Variants in FCHSD1 observed in about 807,000 individuals in gnomAD.
FCHSD1 encodes the protein FCH and double SH3 domains 1, also known as F-BAR and double SH3 domains protein 1.
FCHSD1 carries 109 observed loss-of-function variants against 101.3 expected under a neutral mutation model. That is an observed-to-expected ratio of 1.08 (90% CI 0.92 to 1.26). The LOEUF (loss-of-function observed/expected upper bound fraction) is 1.26, where lower values mean the gene tolerates loss of function less well. Among genes scored for constraint, FCHSD1 ranks in the 50% most tolerant of loss-of-function variants. The pLI, the probability that FCHSD1 is intolerant of heterozygous loss-of-function variation, is 0.00. For missense variants in FCHSD1, 820 were observed against 895.8 expected (o/e 0.92, Z 1.08); for synonymous variants, 291 against 356.8 (o/e 0.82, Z 2.08).
intron 3 of FCHSD1, 109 bp downstream of exon 3, chr5:141,650,250 G>A (rs755970520): frequency 1.4e-6 from 2 of 1,409,478 alleles, no homozygotes; most frequent in Non-Finnish European, 1.0e-6. Flanking sequence ...CAGTCTGCTT[G>A]ACTCTAGGCA....
Position 141,649,106 on chromosome 5 carries a change from C to T in FCHSD1, c.512+66G>A. ...CAGGCCCAGCTTTGGTGACTTGGCT[C>T]CACCCCTAGACAGCCCCACCTCCCT... On this transcript the variant is annotated intron_variant, in intron 6 of 19. Transcript: ENST00000435817. This position sits in a 1 kb window ranked among gnomAD's most constrained non-coding sequence, Gnocchi z 4.1. 6.2e-7 allele frequency: 1 copy of T among 1,613,796 alleles called. No homozygotes were observed. Among genetic ancestry groups the T allele is most frequent in the Non-Finnish European group, 8.5e-7 (1 of 1,179,732 alleles).
rs116046686 is a variant in FCHSD1, at chr5:141,640,990, T to C, written c.*508A>G. 6.7e-3 allele frequency: 2,902 copies of C among 432,924 alleles called. 67 individuals carry two copies. Among genetic ancestry groups the C allele is most frequent in the African/African-American group, 0.053 (2,633 of 50,018 alleles). 26.8% of individuals were successfully genotyped at this position (432,924 alleles called of 1,614,324 possible). On this transcript the variant is annotated 3_prime_UTR_variant, in exon 20 of 20. Transcript: ENST00000435817. ...TAGCACCGTAGGCCCCCTGCCCTCT[T>C]AGCACAAGAGGCCCAGGCCCTGGCC...
chr5:141,643,133 G>A, intron 17 of FCHSD1, 45 bp from the exon 18 acceptor site: 1 of 1,371,342 alleles, frequency 7.3e-7, no homozygotes, highest in Non-Finnish European at 9.5e-7. Flanking sequence ...ATGTGGGGAG[G>A]TTTTACCAGC....
Position 141,643,018 on chromosome 5 carries a change from G to A in FCHSD1, c.1934C>T (p.Ala645Val), listed in dbSNP as rs375122300. Residue 645 changes from alanine (A) to valine (V), a missense_variant, in exon 18 of 20, where the codon GCA becomes GTA. Physicochemically the swap from Ala to Val is moderately conservative, Grantham distance 64. Coordinates refer to ENST00000435817, the MANE Select transcript of FCHSD1 (RefSeq NM_033449.3). ...CCACTCACCCCCAGGCAGGACAGGT[G>A]CAGGGGGCCCATCCAACACAGAGGT... The part of the protein sequence containing the change: ...APTSVLDGPP[A>V]PVLPGDKALD... The A allele has an allele frequency of 2.5e-5, 39 of 1,564,986 alleles. No individual in the cohort carries two copies. Among genetic ancestry groups the A allele is most frequent in the Non-Finnish European group, 3.1e-5 (36 of 1,155,934 alleles).
intron 19 of FCHSD1, 27 bp from the exon 20 acceptor site, chr5:141,641,590 C>T: frequency 6.3e-7 from 1 of 1,586,150 alleles, no homozygotes; most frequent in Non-Finnish European, 8.6e-7. Flanking sequence ...GTTAGTGCTC[C>T]AGAGTTCTCC....
rs751036347 is a variant in FCHSD1, at chr5:141,651,400, C to T, written c.-32G>A. On this transcript the variant is annotated 5_prime_UTR_variant, in exon 1 of 20. Transcript: ENST00000435817. ...TCCAGCAAGGCGGTCAGCCACTGGA[C>T]TCCGGAACTGGAGGAAGCCCCGCCC... The T allele has an allele frequency of 1.9e-6, 3 of 1,551,236 alleles. No individual in the cohort carries two copies. The highest frequency in any genetic ancestry group is 2.6e-6 in the Non-Finnish European group (3 of 1,147,090).
chr5:141,643,163 C>G, intron 17 of FCHSD1, 75 bp from the exon 18 acceptor site: 3 of 1,181,462 alleles, frequency 2.5e-6, no homozygotes, highest in Non-Finnish European at 3.4e-6. Context: ...CATCCCATCT[C>G]CAGTTCCTTC....
intron 11 of FCHSD1, 36 bp downstream of exon 11, chr5:141,646,564 CAAG>C: frequency 6.3e-7 from 1 of 1,587,338 alleles, no homozygotes; most frequent in Non-Finnish European, 8.6e-7. Flanking sequence ...CTTGCTGAGA[CAAG>C]AAGGTGCACA....
At position 141,649,625 on chromosome 5, in the gene FCHSD1, G is replaced by T; in HGVS notation, c.234-89C>A. ...CCCCTGCCCCCTGACCAACACCATG[G>T]GAGACAGAGTGCTTTCCCATCCTCC... On this transcript the variant is annotated intron_variant, in intron 4 of 19. Transcript: ENST00000435817. This position sits in a 1 kb window ranked among gnomAD's most constrained non-coding sequence, Gnocchi z 4.1. 6.7e-7 allele frequency: 1 copy of T among 1,489,572 alleles called. No homozygotes were observed. The highest frequency in any genetic ancestry group is 9.0e-7 in the Non-Finnish European group (1 of 1,117,122). The allele number at this position is 1,489,572 out of a possible 1,614,324, so 92.3% of individuals were successfully genotyped here. A position where few individuals can be genotyped will look rare whatever the true frequency, so the allele number is the denominator to read the frequency against.
rs2099908226 is a variant in FCHSD1, at chr5:141,650,410, G to A, written c.120-6C>T. The A allele has an allele frequency of 1.9e-6, 3 of 1,613,950 alleles. No individual in the cohort carries two copies. Among genetic ancestry groups the A allele is most frequent in the East Asian group, 4.5e-5 (2 of 44,870 alleles). ...CCCTCTGCTTGCTGTAGGATCTGCG[G>A]AGATTGCAGGTCGGGGGTGAGGTGG... is the stretch of plus-strand genomic sequence containing the variant. On this transcript the variant is annotated splice_region_variant and splice_polypyrimidine_tract_variant and intron_variant, in intron 2 of 19. Transcript: ENST00000435817.
At position 141,639,398 on chromosome 5, in the gene FCHSD1, C is replaced by T. The variant is rs1002461059; in HGVS notation, c.*2100G>A. On this transcript the variant is annotated 3_prime_UTR_variant, in exon 20 of 20. Coordinates refer to ENST00000435817, the MANE Select transcript of FCHSD1 (RefSeq NM_033449.3). The surrounding 1 kb of genome is among the most constrained non-coding windows in gnomAD (Gnocchi z 4.4). Reference sequence around the variant, plus strand: ...GGTTTTAAGGAGCATGCTGAAAGAACGTAAGAAACAAAACATGAAGGGAAA... The same window carrying T: ...GGTTTTAAGGAGCATGCTGAAAGAATGTAAGAAACAAAACATGAAGGGAAA... 1.2e-5 allele frequency: 17 copies of T among 1,372,362 alleles called. No individual in the cohort carries two copies. In the African/African-American group the frequency reaches 1.5e-4, roughly 12 times the overall value. The allele number at this position is 1,372,362 out of a possible 1,614,324, so 85.0% of individuals were successfully genotyped here.
At position 141,646,181 on chromosome 5, in the gene FCHSD1, C is replaced by T. The variant is rs775394855; in HGVS notation, c.1055G>A (p.Arg352Gln). Residue 352 changes from arginine to glutamine, a missense_variant, in exon 12 of 20, where the codon CGA (arginine) becomes CAA (glutamine). Arg to Gln is a conservative substitution (Grantham distance 43, BLOSUM62 1). Transcript: ENST00000435817. ...IQNHGHRVLQ[R>Q]LEQRRQQASE... ...AGCCTGCTGCCGCCTCTGCTCCAGT[C>T]GTTGCAGTACCTGGTTGGGAAGGCA... The T allele has an allele frequency of 8.1e-6, 13 of 1,604,532 alleles. No individual in the cohort carries two copies. The highest frequency in any genetic ancestry group is 1.0e-5 in the Non-Finnish European group (12 of 1,175,820).
Position 141,649,882 on chromosome 5 carries a change from C to T in FCHSD1, c.233+5G>A. The T allele has an allele frequency of 6.5e-7, 1 of 1,548,280 alleles. No homozygotes were observed. The highest frequency in any genetic ancestry group is 8.7e-7 in the Non-Finnish European group (1 of 1,146,580). ...TCTGTGGCCCTCCCCCTCCATAGGG[C>T]CCACCTGCTGTCCATCTCACCGCTC... On this transcript the variant is annotated splice_donor_5th_base_variant and intron_variant, in intron 4 of 19. Transcript: ENST00000435817. This position sits in a 1 kb window ranked among gnomAD's most constrained non-coding sequence, Gnocchi z 4.1.
In FCHSD1 at chr5:141,647,979, C is replaced by T; in HGVS notation, c.694G>A (p.Ala232Thr). ...GGGTTAAAACTGGCCTTGAGCAGAG[C>T]TGGCAGTTCCTCCTGGTAGTAATGG... ...LDHYYQEELPALLKALVSELS... is the reference protein window; with the variant it reads ...LDHYYQEELPTLLKALVSELS... Residue 232 changes from alanine (A) to threonine (T), a missense_variant, in exon 8 of 20, where the codon GCT becomes ACT. By Grantham distance (58) the Ala-to-Thr change is moderately conservative. Coordinates refer to ENST00000435817, the MANE Select transcript of FCHSD1 (RefSeq NM_033449.3). The T allele has an allele frequency of 6.2e-7, 1 of 1,613,108 alleles. No individual in the cohort carries two copies. The highest frequency in any genetic ancestry group is 8.5e-7 in the Non-Finnish European group (1 of 1,179,546).
chr5:141,640,977 C>A lies in FCHSD1; in HGVS notation c.*521G>T. ...GCCCCTAAAGCAATAGCACCGTAGG[C>A]CCCCTGCCCTCTTAGCACAAGAGGC... On this transcript the variant is annotated 3_prime_UTR_variant, in exon 20 of 20. Coordinates refer to ENST00000435817, the MANE Select transcript of FCHSD1 (RefSeq NM_033449.3). 2 of 457,792 alleles carry A rather than the reference C, an allele frequency of 4.4e-6. No homozygotes were observed. Among genetic ancestry groups the A allele is most frequent in the Admixed American group, 3.8e-5 (1 of 26,204 alleles). 28.4% of individuals were successfully genotyped at this position (457,792 alleles called of 1,614,324 possible). A position where few individuals can be genotyped will look rare whatever the true frequency, so the allele number is the denominator to read the frequency against.
chr5:141,645,973 G>A lies in FCHSD1; in HGVS notation c.1150-41C>T, dbSNP rs372197502. The A allele has an allele frequency of 5.0e-5, 77 of 1,546,356 alleles. 1 individual carries two copies. Among genetic ancestry groups the A allele is most frequent in the Middle Eastern group, 2.1e-4 (1 of 4,830 alleles). On this transcript the variant is annotated intron_variant, in intron 12 of 19. Coordinates refer to ENST00000435817, the MANE Select transcript of FCHSD1 (RefSeq NM_033449.3). ...AGTAAGTTAGTGGAACCTGGCTGAC[G>A]GCAGTGTTTACTCTCTGCTTCTCCC...
Position 141,639,804 on chromosome 5 carries a change from C to T in FCHSD1, c.*1694G>A, listed in dbSNP as rs919709120. ...GTGCCCCACAATCTGAGAAGGCCTC[C>T]CCTACCTTAGGCCAGAGGGAAGTAG... On this transcript the variant is annotated 3_prime_UTR_variant, in exon 20 of 20. Coordinates refer to ENST00000435817, the MANE Select transcript of FCHSD1 (RefSeq NM_033449.3). This position sits in a 1 kb window ranked among gnomAD's most constrained non-coding sequence, Gnocchi z 4.4. 2.3e-6 allele frequency: 3 copies of T among 1,318,808 alleles called. No individual in the cohort carries two copies. Among genetic ancestry groups the T allele is most frequent in the Admixed American group, 3.7e-5 (2 of 54,302 alleles). The allele number at this position is 1,318,808 out of a possible 1,614,324, so 81.7% of individuals were successfully genotyped here.
At position 141,639,937 on chromosome 5, in the gene FCHSD1, T is replaced by C. The variant is rs138005647; in HGVS notation, c.*1561A>G. Reference sequence around the variant, plus strand: ...CCTCCCAGGTTCCGGGTGACACACATTGAGAAGCGCTATGGACTGCACGAA... The same window carrying C: ...CCTCCCAGGTTCCGGGTGACACACACTGAGAAGCGCTATGGACTGCACGAA... On this transcript the variant is annotated 3_prime_UTR_variant, in exon 20 of 20. Transcript: ENST00000435817. This position sits in a 1 kb window ranked among gnomAD's most constrained non-coding sequence, Gnocchi z 4.4. The C allele has an allele frequency of 8.1e-6, 13 of 1,613,710 alleles. No homozygotes were observed. Among genetic ancestry groups the C allele is most frequent in the East Asian group, 2.2e-5 (1 of 44,854 alleles).
At position 141,644,298 on chromosome 5, in the gene FCHSD1, G is replaced by A. The variant is rs904419299; in HGVS notation, c.1783C>T (p.Arg595Cys). ...DGFWRGEFGG[R>C]VGVFPSLLVE... ...AGCAGGGAGGGGAAGACCCCAACAC[G>A]GCCCCCAAATTCTCCCCTCCAGAAG... Residue 595 changes from arginine (R) to cysteine (C), a missense_variant, in exon 17 of 20, where the codon CGT becomes TGT. Physicochemically the swap from Arg to Cys is radical, Grantham distance 180. Coordinates refer to ENST00000435817, the MANE Select transcript of FCHSD1 (RefSeq NM_033449.3). 3.0e-5 allele frequency: 49 copies of A among 1,613,618 alleles called. No homozygotes were observed. The highest frequency in any genetic ancestry group is 4.0e-5 in the African/African-American group (3 of 74,902).
Sources: gnomAD v4.1 joint callset for allele counts on GRCh38, gnomAD v4.1.1 for gene constraint, Gnocchi (gnomAD v3.1) non-coding constraint, MANE v1.5 for transcripts, NCBI Gene and HGNC (gene_info 2026-07-23, HGNC 2026-07-21) for gene names.